Variants in NDST3 observed in about 807,000 individuals in gnomAD.
NDST3 encodes N-deacetylase and N-sulfotransferase 3.
In NDST3, 58 loss-of-function variants were observed where a neutral mutation model predicts 96.1. That is an observed-to-expected ratio of 0.60 (90% CI 0.49 to 0.75). NDST3 has a LOEUF of 0.75. Ranked by LOEUF, NDST3 falls within the 30% of genes least tolerant of loss-of-function variation. The pLI is 0.00. For synonymous variants in NDST3, 333 were observed against 359.7 expected (o/e 0.93, Z 0.84); for missense variants, 788 against 1,034.2 (o/e 0.76, Z 3.27).
intron 2 of NDST3, among the ~76,000 whole-genome samples, chr4:118,102,523 A>C (rs974402311): frequency 2.6e-5 from 4 of 152,158 alleles, no homozygotes; most frequent in Admixed American, 1.3e-4. Flanking sequence ...AGAATAAAGT[A>C]TAATTTTATA....
At chr4:118,250,782 C>G (rs1289309011) in intron 12 of NDST3, among the ~76,000 whole-genome samples, 3 of 151,944 alleles carry the variant, frequency 2.0e-5, no homozygotes, top group African/African-American at 2.4e-5. Context: ...TTGCACCCAG[C>G]CTGTTCCAAT....
At chr4:118,201,773 G>A (rs1373927386) in intron 6 of NDST3, among the ~76,000 whole-genome samples, 1 of 152,066 alleles carries the variant, frequency 6.6e-6, no homozygotes, top group Non-Finnish European at 1.5e-5. Flanking sequence ...TTGTTGTGCA[G>A]AAGCTTTTTA....
intron 2 of NDST3, among the ~76,000 whole-genome samples, chr4:118,059,430 T>C (rs1725717459): frequency 1.3e-5 from 2 of 152,136 alleles, no homozygotes; most frequent in African/African-American, 4.8e-5. Context: ...TATCATTATT[T>C]TCCTCTCTAA....
intron 3 of NDST3, 132 bp from the exon 4 acceptor site, chr4:118,114,674 G>A (rs1309398039): frequency 4.1e-6 from 4 of 965,626 alleles, no homozygotes; most frequent in Non-Finnish European, 6.1e-6. Flanking sequence ...TGGGTTTAAA[G>A]CCTTATACGT....
At chr4:118,227,848 G>A (rs953977542) in intron 8 of NDST3, among the ~76,000 whole-genome samples, 2 of 152,056 alleles carry the variant, frequency 1.3e-5, no homozygotes, top group African/African-American at 2.4e-5. Flanking sequence ...TCCTGACCTC[G>A]TGATCCGCCC....
chr4:118,162,934 G>A (rs13113258), intron 6 of NDST3, among the ~76,000 whole-genome samples: 9,428 of 146,460 alleles, frequency 0.064, 621 homozygotes, highest in African/African-American at 0.17. Flanking sequence ...TCAAAAAGTG[G>A]GCAAAGGACA....
chr4:118,129,488 T>C (rs907365954), intron 4 of NDST3, among the ~76,000 whole-genome samples: 1 of 152,028 alleles, frequency 6.6e-6, no homozygotes, highest in African/African-American at 2.4e-5. Context: ...CCATTGAGTT[T>C]GTATAGTTTC....
chr4:118,245,993 A>G (rs1403252211), intron 12 of NDST3, among the ~76,000 whole-genome samples: 1 of 152,200 alleles, frequency 6.6e-6, no homozygotes, highest in Non-Finnish European at 1.5e-5. Context: ...TGTTAGAACC[A>G]CAGAAAAACA....
At chr4:118,156,974 C>T (rs1252004624) in intron 6 of NDST3, among the ~76,000 whole-genome samples, 1 of 152,112 alleles carries the variant, frequency 6.6e-6, no homozygotes, top group Non-Finnish European at 1.5e-5. Flanking sequence ...ACCACAAAGT[C>T]AATTTTTTAA....
chr4:118,082,933 G>A (rs1728138358), intron 2 of NDST3, among the ~76,000 whole-genome samples: 1 of 152,084 alleles, frequency 6.6e-6, no homozygotes, highest in Non-Finnish European at 1.5e-5. Flanking sequence ...TAAGAGAGAG[G>A]TAAGGGAGAG....
chr4:118,106,211 C>T (rs577799872), intron 3 of NDST3, among the ~76,000 whole-genome samples: 2 of 152,282 alleles, frequency 1.3e-5, no homozygotes, highest in African/African-American at 2.4e-5. Flanking sequence ...TGCTGTCTGG[C>T]TGTCTCTTAA....
chr4:118,199,773 C>T (rs2125977728), intron 6 of NDST3, among the ~76,000 whole-genome samples: 1 of 152,216 alleles, frequency 6.6e-6, no homozygotes, highest in Middle Eastern at 3.4e-3. Flanking sequence ...TAGAGAGGAC[C>T]CCCAAGACCA....
At chr4:118,161,364 C>T (rs955258142) in intron 6 of NDST3, among the ~76,000 whole-genome samples, 16 of 152,200 alleles carry the variant, frequency 1.1e-4, no homozygotes, top group Non-Finnish European at 1.5e-4. Context: ...TCTCAGATAT[C>T]CAGCTGTGTG....
At chr4:118,113,914 T>C (rs1560652536) in intron 3 of NDST3, among the ~76,000 whole-genome samples, 1 of 152,068 alleles carries the variant, frequency 6.6e-6, no homozygotes. Context: ...TTTTATGCTA[T>C]AGTAAAGAAG....
chr4:118,167,693 G>A (rs2125933068), intron 6 of NDST3, among the ~76,000 whole-genome samples: 1 of 152,060 alleles, frequency 6.6e-6, no homozygotes, highest in South Asian at 2.1e-4. Context: ...AAGCAGTATG[G>A]TGATGTTACA....
chr4:118,143,726 G>C, intron 6 of NDST3, 42 bp downstream of exon 6: 1 of 1,544,778 alleles, frequency 6.5e-7, no homozygotes, highest in Non-Finnish European at 8.7e-7. Context: ...AAAATGATAG[G>C]GCTGGCAAAA....
intron 6 of NDST3, among the ~76,000 whole-genome samples, chr4:118,199,829 G>T (rs1406887501): frequency 6.6e-6 from 1 of 152,052 alleles, no homozygotes; most frequent in East Asian, 1.9e-4. Context: ...TGCCTTGATA[G>T]TCTTGGACAA....
intron 13 of NDST3, among the ~76,000 whole-genome samples, chr4:118,254,886 G>A (rs1176813249): frequency 1.3e-5 from 2 of 152,132 alleles, no homozygotes; most frequent in Admixed American, 1.3e-4. Flanking sequence ...GGAAGAGAGA[G>A]AGAGTTTCTG....
chr4:118,186,767 G>A lies in NDST3; in HGVS notation c.1540-37724G>A, dbSNP rs141542604. On this transcript the variant is annotated intron_variant, in intron 6 of 13. Transcript: ENST00000296499. ...ACCATCACATTCTCACTTAGGTAACGGTGTGACAAAACTTAGGGCCTTAGT... is the reference window on the plus strand; with the variant it reads ...ACCATCACATTCTCACTTAGGTAACAGTGTGACAAAACTTAGGGCCTTAGT... Among the ~76,000 whole-genome samples, 1,206 of 152,194 alleles carry A rather than the reference G, an allele frequency of 7.9e-3. 13 individuals carry two copies. The highest frequency in any genetic ancestry group is 6.9e-3 in the Admixed American group (106 of 15,286).
Sources: allele counts gnomAD v4.1 joint callset (sites outside exome capture counted in the v4.1 genomes callset), GRCh38; gene constraint gnomAD v4.1.1; transcripts MANE v1.5; gene names NCBI Gene and HGNC (gene_info 2026-07-23, HGNC 2026-07-21).